VPS13C: variants seen among roughly 807,000 people sequenced by gnomAD.
VPS13C encodes intermembrane lipid transfer protein VPS13C.
VPS13C carries 358 observed loss-of-function variants against 456.8 expected under a neutral mutation model. That is an observed-to-expected ratio of 0.78 (90% CI 0.72 to 0.86). The LOEUF (loss-of-function observed/expected upper bound fraction) is 0.86. Among genes scored for constraint, VPS13C ranks in the 40% least tolerant of loss-of-function variants. VPS13C has a pLI of 0.00. For synonymous variants in VPS13C, 1,578 were observed against 1,486.7 expected, an observed-to-expected ratio of 1.06 and a Z score of -1.41; for missense variants, 4,818 against 4,385.4, an observed-to-expected ratio of 1.10 and a Z score of -2.79.
chr15:62,008,194 G>A (rs1053594365), intron 14 of VPS13C, among the ~76,000 whole-genome samples: 1 of 151,954 alleles, frequency 6.6e-6, no homozygotes, highest in Admixed American at 6.6e-5. Context: ...TCGCGTCACC[G>A]CACCCCAGCC....
chr15:61,867,977 A>C lies in VPS13C; in HGVS notation c.10863+682T>G. The C allele has an allele frequency of 7.0e-7, 1 of 1,433,752 alleles. No homozygotes were observed. Among genetic ancestry groups the C allele is most frequent in the Non-Finnish European group, 9.8e-7 (1 of 1,019,488 alleles). 88.8% of individuals were successfully genotyped at this position (1,433,752 alleles called of 1,614,324 possible). A position where few individuals can be genotyped will look rare whatever the true frequency, so the allele number is the denominator to read the frequency against. On this transcript the variant is annotated intron_variant, in intron 81 of 84. Transcript: ENST00000644861. This position sits in a 1 kb window ranked among gnomAD's most constrained non-coding sequence, Gnocchi z 5.0. ...GCAGGCAGAAAAACAAAGAAAATAA[A>C]GTTAGAAGCATGCAGAAAGATAGAT... is the stretch of plus-strand genomic sequence containing the variant.
intron 9 of VPS13C, among the ~76,000 whole-genome samples, chr15:62,016,065 T>C (rs2140533980): frequency 6.6e-6 from 1 of 151,206 alleles, no homozygotes; most frequent in East Asian, 1.9e-4. Flanking sequence ...TTCAATGCGA[T>C]GTGTATCTCT....
Position 61,931,075 on chromosome 15 carries a change from T to G in VPS13C, c.6038+15A>C, listed in dbSNP as rs2044038327. The G allele has an allele frequency of 4.3e-6, 7 of 1,613,748 alleles. No homozygotes were observed. The East Asian group carries it at 1.6e-4, about 36-fold the overall frequency. ...CAACCTTAAATAATGTATTGCAAAC[T>G]CAGAGCTGACAAACCTCGATGTTGC... On this transcript the variant is annotated intron_variant, in intron 50 of 84. Transcript: ENST00000644861.
chr15:61,953,363 A>G (rs1339347748), intron 38 of VPS13C, among the ~76,000 whole-genome samples: 1 of 147,996 alleles, frequency 6.8e-6, no homozygotes, highest in Non-Finnish European at 1.5e-5. Context: ...AGCATTAGGT[A>G]TATCTCCTAA....
At chr15:61,979,784 A>G (rs556472905) in intron 22 of VPS13C, among the ~76,000 whole-genome samples, 1 of 152,326 alleles carries the variant, frequency 6.6e-6, no homozygotes, top group South Asian at 2.1e-4. Context: ...AAGCCAAAAC[A>G]AGTGCGCTCA....
rs1407477183 is a variant in VPS13C, at chr15:62,003,235, G to A, written c.1291-2609C>T. Among the ~76,000 whole-genome samples, 87 of 149,700 alleles carry A rather than the reference G, an allele frequency of 5.8e-4. 2 individuals are homozygous for A. Among genetic ancestry groups the A allele is most frequent in the African/African-American group, 1.9e-3 (76 of 39,272 alleles). On this transcript the variant is annotated intron_variant, in intron 15 of 84. Coordinates refer to ENST00000644861, the MANE Select transcript of VPS13C (RefSeq NM_020821.3). ...AGTTCTCCTTGAAGAGGTCCTTCACGTCCTTTGTAAGTTGGATTCCTAGGT... is the reference window on the plus strand; with the variant it reads ...AGTTCTCCTTGAAGAGGTCCTTCACATCCTTTGTAAGTTGGATTCCTAGGT...
At chr15:62,059,187 G>A (rs564608115) in intron 1 of VPS13C, among the ~76,000 whole-genome samples, 2 of 152,142 alleles carry the variant, frequency 1.3e-5, no homozygotes, top group African/African-American at 4.8e-5. Context: ...ACTTCATTAG[G>A]AGTAATGCTT....
In VPS13C at chr15:61,922,746, A is replaced by G. The variant is rs1221733015; in HGVS notation, c.6626T>C (p.Leu2209Pro). The change falls in exon 54 of 85, where the codon CTT becomes CCT. Residue 2209 changes from leucine to proline, a missense_variant. Around this residue, in one of 3 missense-constraint regions of VPS13C, gnomAD observed 4,552 missense variants for 4,130.6 expected, o/e 1.10. Transcript: ENST00000644861. ...EFIIKISPIILNTVLTIMAAL... is the reference protein window; with the variant it reads ...EFIIKISPIIPNTVLTIMAAL... ...AGCCATGATTGTCAACACAGTATTA[A>G]GAATTATGGGTGAAATCTTTAAAAA... is the stretch of plus-strand genomic sequence containing the variant. 2.2e-5 allele frequency: 35 copies of G among 1,589,694 alleles called. No homozygotes were observed. Among genetic ancestry groups the G allele is most frequent in the Non-Finnish European group, 3.0e-5 (35 of 1,171,806 alleles).
At chr15:61,863,838 A>G in intron 81 of VPS13C, 1 of 216,120 alleles carries the variant, frequency 4.6e-6, no homozygotes, top group South Asian at 8.6e-5. Context: ...CACTTTAATT[A>G]AGAAACATAT....
chr15:61,868,600 C>A, intron 81 of VPS13C, 59 bp downstream of exon 81: 1 of 1,456,600 alleles, frequency 6.9e-7, no homozygotes, highest in African/African-American at 1.4e-5. Context: ...CTAGGAAATC[C>A]TGGGCCTAGA....
In VPS13C at chr15:61,911,751, T is replaced by C. The variant is rs78703863; in HGVS notation, c.8715+89A>G. Reference sequence around the variant, plus strand: ...ATATTTCAACACATAAATATGATAGTCTGAAAAAGAGGTATATACAATTCT... The same window carrying C: ...ATATTTCAACACATAAATATGATAGCCTGAAAAAGAGGTATATACAATTCT... On this transcript the variant is annotated intron_variant, in intron 63 of 84. Transcript: ENST00000644861. The C allele has an allele frequency of 2.5e-3, 2,958 of 1,160,232 alleles. 69 individuals carry two copies. The African/African-American group carries it at 0.043, about 17-fold the overall frequency. 71.9% of individuals were successfully genotyped at this position (1,160,232 alleles called of 1,614,324 possible).
chr15:61,997,987 C>T (rs2046449279), intron 16 of VPS13C, among the ~76,000 whole-genome samples: 1 of 152,240 alleles, frequency 6.6e-6, no homozygotes, highest in East Asian at 1.9e-4. Flanking sequence ...TTGTAAGATG[C>T]TACACAATCT....
chr15:61,915,880 A>G lies in VPS13C; in HGVS notation c.8198T>C (p.Leu2733Pro). Reference sequence around the variant, plus strand: ...AAAACACACAGGAAAGAATTCTGGTAGTGTATCACGTATGCGGAAATGTCC... The same window carrying G: ...AAAACACACAGGAAAGAATTCTGGTGGTGTATCACGTATGCGGAAATGTCC... The part of the protein sequence containing the change: ...WNGHFRIRDT[L>P]PEFFPVCFSS... The change falls in exon 61 of 85, where the codon CTA becomes CCA. Residue 2733 changes from leucine (L) to proline (P), a missense_variant. Physicochemically the swap from Leu to Pro is moderately conservative, Grantham distance 98. This residue lies in a region of VPS13C where 4,552 missense variants were observed against 4,130.6 expected (regional missense o/e 1.10). Coordinates refer to ENST00000644861, the MANE Select transcript of VPS13C (RefSeq NM_020821.3). The G allele has an allele frequency of 6.2e-7, 1 of 1,614,004 alleles. No homozygotes were observed. Among genetic ancestry groups the G allele is most frequent in the Non-Finnish European group, 8.5e-7 (1 of 1,180,008 alleles).
intron 5 of VPS13C, among the ~76,000 whole-genome samples, chr15:62,030,985 C>G (rs933497772): frequency 6.6e-5 from 10 of 151,978 alleles, no homozygotes; most frequent in African/African-American, 2.4e-4. Context: ...CTAGCATTTG[C>G]GAATCTTTTG....
intron 77 of VPS13C, 39 bp from the exon 78 acceptor site, chr15:61,873,448 G>T (rs1477173854): frequency 1.4e-5 from 22 of 1,593,520 alleles, no homozygotes; most frequent in Non-Finnish European, 1.9e-5. Flanking sequence ...AATATACAAG[G>T]AACTATACAA....
chr15:62,043,582 G>A (rs1274062373), intron 2 of VPS13C, among the ~76,000 whole-genome samples: 2 of 152,230 alleles, frequency 1.3e-5, no homozygotes, highest in African/African-American at 4.8e-5. Context: ...CTCCAGCCTA[G>A]GCAACAGAGT....
At chr15:61,931,646 C>A (rs1193022793) in intron 49 of VPS13C, among the ~76,000 whole-genome samples, 1 of 149,106 alleles carries the variant, frequency 6.7e-6, no homozygotes, top group Non-Finnish European at 1.5e-5. Context: ...GGCGCGATCT[C>A]GGCTCACTGC....
At chr15:62,015,162 G>A (rs1273684037) in intron 9 of VPS13C, among the ~76,000 whole-genome samples, 1 of 152,080 alleles carries the variant, frequency 6.6e-6, no homozygotes, top group African/African-American at 2.4e-5. Flanking sequence ...CAGTTTTCTG[G>A]AACAATTCTC....
Position 61,890,239 on chromosome 15 carries a change from C to T in VPS13C, c.9267G>A (p.Leu3089=), listed in dbSNP as rs757448861. The T allele has an allele frequency of 6.2e-7, 1 of 1,614,046 alleles. No homozygotes were observed. The highest frequency in any genetic ancestry group is 8.5e-7 in the Non-Finnish European group (1 of 1,180,004). ...EMEQADYEIT[L]SLHSLGLSLV... The stretch of plus-strand genomic sequence containing the variant: ...GTGAAAGCCCAAGACTGTGGAGAGA[C>T]AAGGTTATTTCATAATCAGCCTGTT... The change falls in exon 67 of 85, where the codon TTG becomes TTA. Residue 3089 remains leucine, a synonymous_variant. Transcript: ENST00000644861.
Sources: gnomAD v4.1 joint callset for allele counts (sites outside exome capture counted in the v4.1 genomes callset) on GRCh38, gnomAD v4.1.1 for gene constraint, gnomAD v4.1.1 regional missense constraint, Gnocchi (gnomAD v3.1) non-coding constraint, MANE v1.5 for transcripts, NCBI Gene and HGNC (gene_info 2026-07-23, HGNC 2026-07-21) for gene names.